The following VOPP1 variants were observed in gnomAD, a reference collection of about 807,000 sequenced individuals.
VOPP1 encodes WW domain binding protein VOPP1.
In VOPP1, 8 loss-of-function variants were observed where a neutral mutation model predicts 23.5. The observed-to-expected ratio is 0.34, with a 90% CI of 0.20 to 0.61. The LOEUF is 0.61. Ranked by LOEUF, VOPP1 falls within the 20% of genes least tolerant of loss-of-function variation. VOPP1 has a pLI of 0.78. For synonymous variants in VOPP1, 83 were observed against 97.3 expected (o/e 0.85, Z 0.86); for missense variants, 174 against 238.1 (o/e 0.73, Z 1.77).
chr7:55,463,913 G>C (rs1410768747), intron 4 of VOPP1, among the ~76,000 whole-genome samples: 1 of 152,234 alleles, frequency 6.6e-6, no homozygotes, highest in African/African-American at 2.4e-5. Context: ...CCGGCAGACT[G>C]GGCAGGTCTC....
At chr7:55,556,307 A>C (rs1231543590) in intron 1 of VOPP1, among the ~76,000 whole-genome samples, 2 of 152,208 alleles carry the variant, frequency 1.3e-5, no homozygotes, top group African/African-American at 4.8e-5. Context: ...TCAAGGCCAC[A>C]GTGAGCCTTG....
intron 1 of VOPP1, among the ~76,000 whole-genome samples, chr7:55,549,756 C>A (rs934066878): frequency 1.1e-4 from 16 of 152,216 alleles, no homozygotes; most frequent in African/African-American, 3.9e-4. Context: ...AGGCACACAT[C>A]CACTTAGACA....
chr7:55,558,332 T>G (rs1484893840), intron 1 of VOPP1, among the ~76,000 whole-genome samples: 9 of 152,182 alleles, frequency 5.9e-5, no homozygotes, highest in Non-Finnish European at 8.8e-5. Flanking sequence ...CTGTATACAT[T>G]AATTATGTTC....
At chr7:55,532,126 G>GT (rs1291976780) in intron 1 of VOPP1, among the ~76,000 whole-genome samples, 2 of 152,224 alleles carry the variant, frequency 1.3e-5, no homozygotes, top group Non-Finnish European at 2.9e-5. Context: ...GATTCTAACT[G>GT]TAAAGAGCAC....
chr7:55,516,918 A>ATT (rs1795454044), intron 2 of VOPP1, among the ~76,000 whole-genome samples: 4 of 32,338 alleles, frequency 1.2e-4, no homozygotes, highest in African/African-American at 6.4e-4. Flanking sequence ...ATATATATAT[A>ATT]TATATATATA....
In VOPP1 at chr7:55,562,311, G is replaced by A. The variant is rs1014073190; in HGVS notation, c.54+9960C>T. On this transcript the variant is annotated intron_variant, in intron 1 of 4. Transcript: ENST00000285279. ...GGTCAAGTGACAGTGCTAATTCCCC[G>A]TTTACAGTCACCCTTCTCTCCCTTT... Among the ~76,000 whole-genome samples the A allele has an allele frequency of 6.8e-4, 103 of 152,088 alleles. 1 individual carries two copies. Among genetic ancestry groups the A allele is most frequent in the African/African-American group, 1.5e-3 (64 of 41,398 alleles).
At chr7:55,463,254 C>CT (rs1791550780) in intron 4 of VOPP1, among the ~76,000 whole-genome samples, 1 of 152,034 alleles carries the variant, frequency 6.6e-6, no homozygotes, top group Non-Finnish European at 1.5e-5. Flanking sequence ...ATTTAAAATT[C>CT]TTTTTTGGGC....
rs78273815 is a variant in VOPP1, at chr7:55,487,028, A to T, written c.328+5254T>A. On this transcript the variant is annotated intron_variant, in intron 4 of 4. Coordinates refer to ENST00000285279, the MANE Select transcript of VOPP1 (RefSeq NM_030796.5). ...TGTCCCATCACCATCCCCGCACGTC[A>T]GAAGCACCGTCACGTTGGAAAAGAA... Among the ~76,000 whole-genome samples, 806 of 152,336 alleles carry T rather than the reference A, an allele frequency of 5.3e-3. 9 individuals carry two copies. The highest frequency in any genetic ancestry group is 0.019 in the African/African-American group (778 of 41,568).
chr7:55,514,803 C>G (rs1005928960), intron 2 of VOPP1, among the ~76,000 whole-genome samples: 1 of 152,230 alleles, frequency 6.6e-6, no homozygotes, highest in African/African-American at 2.4e-5. Context: ...GGCTGTGTAT[C>G]TGGCAGACTC....
chr7:55,530,502 C>T (rs1796438273), intron 1 of VOPP1, among the ~76,000 whole-genome samples: 1 of 152,082 alleles, frequency 6.6e-6, no homozygotes, highest in Non-Finnish European at 1.5e-5. Flanking sequence ...ACTAAGGTCT[C>T]GAAGAGGTGA....
chr7:55,463,332 T>C (rs1791552736), intron 4 of VOPP1, among the ~76,000 whole-genome samples: 1 of 152,254 alleles, frequency 6.6e-6, no homozygotes, highest in African/African-American at 2.4e-5. Context: ...AGAGGCATTC[T>C]GTTTCCTTGC....
At chr7:55,501,888 T>G (rs1421564514) in intron 2 of VOPP1, among the ~76,000 whole-genome samples, 1 of 152,198 alleles carries the variant, frequency 6.6e-6, no homozygotes, top group Non-Finnish European at 1.5e-5. Context: ...TGTCTCTCTC[T>G]CGGGTTTTAC....
intron 1 of VOPP1, among the ~76,000 whole-genome samples, chr7:55,540,175 G>A (rs1391903478): frequency 6.6e-6 from 1 of 151,926 alleles, no homozygotes; most frequent in Non-Finnish European, 1.5e-5. Context: ...CGAGGAGGGT[G>A]GATCACGAGG....
chr7:55,473,938 CT>C (rs1234737775), intron 4 of VOPP1, among the ~76,000 whole-genome samples: 5 of 149,036 alleles, frequency 3.4e-5, no homozygotes, highest in Non-Finnish European at 6.1e-5. Flanking sequence ...AATTCTCCCC[CT>C]GACACAGTGT....
chr7:55,536,452 C>T (rs952550724), intron 1 of VOPP1, among the ~76,000 whole-genome samples: 1 of 152,088 alleles, frequency 6.6e-6, no homozygotes, highest in Admixed American at 6.5e-5. Context: ...TTGCTTGAAC[C>T]CTGGAGGCAG....
chr7:55,473,431 G>GT (rs1356540293), intron 4 of VOPP1, among the ~76,000 whole-genome samples: 1 of 152,220 alleles, frequency 6.6e-6, no homozygotes, highest in Non-Finnish European at 1.5e-5. Flanking sequence ...CCATTGGCTG[G>GT]TGACCATTTC....
At chr7:55,463,722 G>C (rs1410360900) in intron 4 of VOPP1, among the ~76,000 whole-genome samples, 3 of 152,192 alleles carry the variant, frequency 2.0e-5, no homozygotes, top group Admixed American at 6.5e-5. Flanking sequence ...CAGTGTGCAT[G>C]ACCTGCTCAG....
At chr7:55,545,834 T>C (rs1584093432) in intron 1 of VOPP1, among the ~76,000 whole-genome samples, 2 of 152,030 alleles carry the variant, frequency 1.3e-5, no homozygotes, top group East Asian at 3.9e-4. Flanking sequence ...TCTGGGAGGC[T>C]GAGGTAGGCG....
At chr7:55,548,725 C>T (rs1251165198) in intron 1 of VOPP1, among the ~76,000 whole-genome samples, 1 of 152,228 alleles carries the variant, frequency 6.6e-6, no homozygotes, top group East Asian at 1.9e-4. Context: ...CTTGGGTTTA[C>T]CACATTCCTC....
Sources: allele counts gnomAD v4.1 joint callset (sites outside exome capture counted in the v4.1 genomes callset), GRCh38; gene constraint gnomAD v4.1.1; transcripts MANE v1.5; gene names NCBI Gene and HGNC (gene_info 2026-07-23, HGNC 2026-07-21).